The following SPMIP4 variants were observed in gnomAD, a reference collection of about 807,000 sequenced individuals.
The protein encoded by SPMIP4 is sperm microtubule inner protein 4.
chr7:25,169,664 C>T, the SPMIP4 span, among the ~76,000 whole-genome samples: 1 of 152,082 alleles, frequency 6.6e-6, no homozygotes, highest in African/African-American at 2.4e-5. Flanking sequence ...TCTACCTCAC[C>T]TCAGGGTTCA....
chr7:25,177,902 C>T, the SPMIP4 span, among the ~76,000 whole-genome samples: 2 of 152,094 alleles, frequency 1.3e-5, no homozygotes, highest in African/African-American at 4.8e-5. Context: ...ATTATTTTGT[C>T]ACCCAGGTGA....
chr7:25,152,542 T>G, the SPMIP4 span, among the ~76,000 whole-genome samples: 1 of 152,146 alleles, frequency 6.6e-6, no homozygotes, highest in African/African-American at 2.4e-5. Context: ...CCAACTTTAG[T>G]GAATAAAGAA....
At chr7:25,144,440 A>G in the SPMIP4 span, among the ~76,000 whole-genome samples, 1 of 152,002 alleles carries the variant, frequency 6.6e-6, no homozygotes, top group Admixed American at 6.6e-5. Context: ...CCATTTACCC[A>G]CCACCTCACT....
chr7:25,134,385 C>T, the SPMIP4 span, among the ~76,000 whole-genome samples: 593 of 140,110 alleles, frequency 4.2e-3, 6 homozygotes, highest in African/African-American at 0.015. Context: ...CACACACACA[C>T]AAAACAAAAA....
chr7:25,175,196 T>C, the SPMIP4 span, among the ~76,000 whole-genome samples: 13 of 152,320 alleles, frequency 8.5e-5, no homozygotes, highest in Admixed American at 5.2e-4. Context: ...TGAAGTACCC[T>C]GTCTGTAGAC....
At chr7:25,162,924 A>G in the SPMIP4 span, among the ~76,000 whole-genome samples, 1 of 152,134 alleles carries the variant, frequency 6.6e-6, no homozygotes, top group Admixed American at 6.5e-5. Context: ...GGCACCCGCC[A>G]TCGTGCCCGG....
the SPMIP4 span, chr7:25,136,788 T>C: frequency 6.2e-7 from 1 of 1,607,942 alleles, no homozygotes. The surrounding 1 kb of genome is among the most constrained non-coding windows in gnomAD (Gnocchi z 5.7). Context: ...GGTGGAATTT[T>C]TCTTGCTGTA....
At chr7:25,172,423 G>C in the SPMIP4 span, among the ~76,000 whole-genome samples, 1 of 152,328 alleles carries the variant, frequency 6.6e-6, no homozygotes, top group African/African-American at 2.4e-5. The surrounding 1 kb of genome is among the most constrained non-coding windows in gnomAD (Gnocchi z 4.2). Flanking sequence ...GCGACAGCTG[G>C]TTAAAGACCT....
chr7:25,179,617 C>G, the SPMIP4 span: 4 of 246,712 alleles, frequency 1.6e-5, no homozygotes, highest in Non-Finnish European at 2.3e-5. Flanking sequence ...AACTGACATT[C>G]AATTCCTGCC....
At chr7:25,140,516 G>A in the SPMIP4 span, among the ~76,000 whole-genome samples, 5 of 152,078 alleles carry the variant, frequency 3.3e-5, no homozygotes, top group Admixed American at 3.3e-4. Flanking sequence ...TGGCCAGGCT[G>A]GTCTCCAACT....
At chr7:25,159,062 T>C in the SPMIP4 span, among the ~76,000 whole-genome samples, 2 of 152,222 alleles carry the variant, frequency 1.3e-5, no homozygotes, top group African/African-American at 4.8e-5. Flanking sequence ...GTGGTGAAGA[T>C]ACAAGGGATG....
At chr7:25,158,380 A>AG in the SPMIP4 span, 1 of 730,552 alleles carries the variant, frequency 1.4e-6, no homozygotes, top group East Asian at 2.9e-5. Flanking sequence ...AAAAAAAAAA[A>AG]AAAAAAAAGA....
chr7:25,142,575 T>C, the SPMIP4 span: 1 of 1,364,538 alleles, frequency 7.3e-7, no homozygotes, highest in Non-Finnish European at 1.0e-6. Context: ...TGAAAGCTTG[T>C]CATAGCATTT....
At chr7:25,156,404 T>A in the SPMIP4 span, among the ~76,000 whole-genome samples, 1 of 152,166 alleles carries the variant, frequency 6.6e-6, no homozygotes, top group East Asian at 1.9e-4. Context: ...AAAAAGGACT[T>A]TACTTTTCAA....
chr7:25,149,272 G>C, the SPMIP4 span, among the ~76,000 whole-genome samples: 1 of 147,496 alleles, frequency 6.8e-6, no homozygotes, highest in Non-Finnish European at 1.5e-5. Context: ...GAACATTGTA[G>C]ATAAAGAACA....
chr7:25,133,527 G>T, the SPMIP4 span, among the ~76,000 whole-genome samples: 7 of 152,208 alleles, frequency 4.6e-5, no homozygotes, highest in Non-Finnish European at 8.8e-5. Flanking sequence ...AGATCTCTCA[G>T]ATTGTGACCC....
the SPMIP4 span, among the ~76,000 whole-genome samples, chr7:25,126,365 A>G: frequency 6.6e-6 from 1 of 151,808 alleles, no homozygotes; most frequent in South Asian, 2.1e-4. Flanking sequence ...TTTAGTAGAG[A>G]TGGGGTTTCA....
chr7:25,179,282 G>T, the SPMIP4 span: 7 of 1,613,104 alleles, frequency 4.3e-6, no homozygotes, highest in Non-Finnish European at 5.9e-6. Context: ...CCCTGCAACA[G>T]TAGGGCCTGC....
chr7:25,174,346 G>C, the SPMIP4 span, among the ~76,000 whole-genome samples: 4 of 150,996 alleles, frequency 2.6e-5, no homozygotes, highest in South Asian at 8.4e-4. This position sits in a 1 kb window ranked among gnomAD's most constrained non-coding sequence, Gnocchi z 4.5. Context: ...ATAACAAAGA[G>C]AATAATTATC....
Sources: allele counts gnomAD v4.1 joint callset (sites outside exome capture counted in the v4.1 genomes callset), GRCh38; gene constraint gnomAD v4.1.1; non-coding constraint Gnocchi (gnomAD v3.1); transcripts MANE v1.5; gene names NCBI Gene and HGNC (gene_info 2026-07-23, HGNC 2026-07-21).